ZNF292: variants seen among roughly 807,000 people sequenced by gnomAD.
The protein encoded by ZNF292 is zinc finger protein 292.
In ZNF292, 26 loss-of-function variants were observed where a neutral mutation model predicts 217.9. The observed-to-expected ratio is 0.12, with a 90% CI of 0.09 to 0.17. ZNF292 has a LOEUF of 0.17. Ranked by LOEUF, ZNF292 falls within the 10% of genes least tolerant of loss-of-function variation. The pLI is 1.00. For missense variants in ZNF292, 2,904 were observed against 3,175.2 expected, an observed-to-expected ratio of 0.91 and a Z score of 2.05; for synonymous variants, 1,257 against 1,124.1, an observed-to-expected ratio of 1.12 and a Z score of -2.37.
intron 1 of ZNF292, among the ~76,000 whole-genome samples, chr6:87,168,616 C>T (rs1003341652): frequency 2.6e-5 from 4 of 152,032 alleles, no homozygotes; most frequent in East Asian, 3.9e-4. Context: ...ATTACAGGTG[C>T]GCACCTCTGT....
chr6:87,196,673 G>T (rs531524248), intron 1 of ZNF292, among the ~76,000 whole-genome samples: 5 of 149,822 alleles, frequency 3.3e-5, no homozygotes, highest in Admixed American at 1.3e-4. Context: ...GGTTGTTGGG[G>T]ACTGTTATTT....
chr6:87,261,823 A>G lies in ZNF292; in HGVS notation c.*22A>G. On this transcript the variant is annotated 3_prime_UTR_variant, in exon 8 of 8. Coordinates refer to ENST00000369577, the MANE Select transcript of ZNF292 (RefSeq NM_015021.3). Reference sequence around the variant, plus strand: ...CTGATAATTAATGTAGTATAAATACATCATTTACCATTTTATTTTAAATAG... The same window carrying G: ...CTGATAATTAATGTAGTATAAATACGTCATTTACCATTTTATTTTAAATAG... The G allele has an allele frequency of 1.4e-6, 2 of 1,386,978 alleles. No individual in the cohort carries two copies. Among genetic ancestry groups the G allele is most frequent in the East Asian group, 2.4e-5 (1 of 41,730 alleles). 85.9% of individuals were successfully genotyped at this position (1,386,978 alleles called of 1,614,324 possible). A position where few individuals can be genotyped will look rare whatever the true frequency, so the allele number is the denominator to read the frequency against.
chr6:87,161,839 T>C (rs543498968), intron 1 of ZNF292, among the ~76,000 whole-genome samples: 17 of 152,246 alleles, frequency 1.1e-4, no homozygotes, highest in Non-Finnish European at 2.1e-4. Flanking sequence ...TTTCCCATTC[T>C]AGAGTTCCAG....
At chr6:87,172,040 C>T (rs1044652531) in intron 1 of ZNF292, among the ~76,000 whole-genome samples, 6 of 152,180 alleles carry the variant, frequency 3.9e-5, no homozygotes, top group African/African-American at 7.2e-5. Context: ...ACAAAGGTAA[C>T]TGTGAATGGG....
In ZNF292 at chr6:87,218,673, G is replaced by T. The variant is rs944941809; in HGVS notation, c.480G>T (p.Val160=). 7 of 1,595,548 alleles carry T rather than the reference G, an allele frequency of 4.4e-6. No individual in the cohort carries two copies. The highest frequency in any genetic ancestry group is 6.0e-6 in the Non-Finnish European group (7 of 1,170,996). Residue 160 remains valine (V), a synonymous_variant, in exon 4 of 8, where the codon GTG becomes GTT. Transcript: ENST00000369577. ...CTACTCTAGCTCAAGAGACTGGGGT[G>T]TGGAAAAACCCGGTACTGTGCACTA... The part of the protein sequence containing the change: ...FLATLAQETG[V]WKNPVLCTIL...
At chr6:87,193,413 A>G (rs1031928612) in intron 1 of ZNF292, among the ~76,000 whole-genome samples, 1 of 151,974 alleles carries the variant, frequency 6.6e-6, no homozygotes, top group Non-Finnish European at 1.5e-5. Flanking sequence ...GCAGTGGCAC[A>G]CCTGTAGTTC....
At chr6:87,197,715 G>A (rs1255927472) in intron 1 of ZNF292, among the ~76,000 whole-genome samples, 2 of 116,946 alleles carry the variant, frequency 1.7e-5, no homozygotes, top group Non-Finnish European at 3.3e-5. Context: ...AGTGAGACTC[G>A]CTGTTTCAAA....
In ZNF292 at chr6:87,256,379, T is replaced by C. The variant is rs1192241418; in HGVS notation, c.2750T>C (p.Leu917Ser). The C allele has an allele frequency of 5.0e-6, 8 of 1,609,378 alleles. No individual in the cohort carries two copies. The highest frequency in any genetic ancestry group is 6.8e-6 in the Non-Finnish European group (8 of 1,179,824). Residue 917 changes from leucine (L) to serine (S), a missense_variant, in exon 8 of 8, where the codon TTG (leucine) becomes TCG (serine). By Grantham distance (145) the Leu-to-Ser change is moderately radical. This residue lies in a region of ZNF292 where 687 missense variants were observed against 623.0 expected (regional missense o/e 1.10). Transcript: ENST00000369577. Reference sequence around the variant, plus strand: ...GAGCTCAGGCAAGCTAATGGACCATTGTCAAATGGTTTGGAAAACCCTGCT... The same window carrying C: ...GAGCTCAGGCAAGCTAATGGACCATCGTCAAATGGTTTGGAAAACCCTGCT... ...ASELRQANGP[L>S]SNGLENPATT...
intron 1 of ZNF292, among the ~76,000 whole-genome samples, chr6:87,203,597 A>G (rs771522657): frequency 7.3e-5 from 11 of 151,288 alleles, no homozygotes; most frequent in Non-Finnish European, 1.3e-4. Flanking sequence ...TGTATCTGCA[A>G]GGGGGGGTGG....
At chr6:87,252,992 G>A (rs1238309648) in intron 7 of ZNF292, among the ~76,000 whole-genome samples, 3 of 151,654 alleles carry the variant, frequency 2.0e-5, no homozygotes, top group South Asian at 2.1e-4. Flanking sequence ...CTGCAGCCTC[G>A]AATTCCCAAT....
Position 87,260,389 on chromosome 6 carries a change from G to C in ZNF292, c.6760G>C (p.Gly2254Arg), listed in dbSNP as rs1357537993. Residue 2254 changes from glycine to arginine, a missense_variant, in exon 8 of 8, where the codon GGT (glycine) becomes CGT (arginine). Coordinates refer to ENST00000369577, the MANE Select transcript of ZNF292 (RefSeq NM_015021.3). ...AAGGGCAAGTAAAACAGAAGAAGAT[G>C]GTGTATACAAATGTGATTGTGAAGG... is the stretch of plus-strand genomic sequence containing the variant. ...GLRASKTEED[G>R]VYKCDCEGCD... The C allele has an allele frequency of 9.3e-6, 15 of 1,613,408 alleles. No homozygotes were observed. Among genetic ancestry groups the C allele is most frequent in the Non-Finnish European group, 1.3e-5 (15 of 1,179,670 alleles).
In ZNF292 at chr6:87,256,202, ATC is replaced by A. The variant is rs776432204; in HGVS notation, c.2574_2575del (p.Asn858LysfsTer8). ...GATTCCATTCAGCCTTCTGAAGTGA[ATC>A]AGAACACAGCAGAGAATATTGAGAA... On this transcript the variant is annotated frameshift_variant, in exon 8 of 8. Transcript: ENST00000369577. LOFTEE classifies it high-confidence loss of function. 9.4e-5 allele frequency: 152 copies of A among 1,613,754 alleles called. No homozygotes were observed. The highest frequency in any genetic ancestry group is 1.3e-4 in the Non-Finnish European group (149 of 1,179,828).
chr6:87,252,009 C>T (rs762211230), intron 7 of ZNF292, among the ~76,000 whole-genome samples: 1 of 152,124 alleles, frequency 6.6e-6, no homozygotes, highest in Non-Finnish European at 1.5e-5. Context: ...AAGTAGAATT[C>T]TTTAATCAGC....
intron 7 of ZNF292, among the ~76,000 whole-genome samples, chr6:87,252,593 C>T (rs1401473685): frequency 6.6e-6 from 1 of 152,144 alleles, no homozygotes; most frequent in Non-Finnish European, 1.5e-5. Context: ...TACTTTTAAT[C>T]ATCTTTATGG....
At chr6:87,169,739 C>A in intron 1 of ZNF292, 2 of 437,208 alleles carry the variant, frequency 4.6e-6, no homozygotes, top group South Asian at 3.2e-5. Flanking sequence ...GTCCACCTCC[C>A]GGGCTCAAGT....
Position 87,261,523 on chromosome 6 carries a change from G to A in ZNF292, c.7894G>A (p.Asp2632Asn). ...CCATTCAAATTCAAGAAAAAATATT[G>A]ATAAGACTGCTGTGACTAGTGGAAA... ...GSHSNSRKNI[D>N]KTAVTSGNHV... The change falls in exon 8 of 8, where the codon GAT becomes AAT. Residue 2632 changes from aspartate to asparagine, a missense_variant. Physicochemically the swap from Asp to Asn is conservative, Grantham distance 23 (BLOSUM62 1). Transcript: ENST00000369577. 1 of 1,607,842 alleles carries A rather than the reference G, an allele frequency of 6.2e-7. No individual in the cohort carries two copies. The highest frequency in any genetic ancestry group is 8.5e-7 in the Non-Finnish European group (1 of 1,176,744).
chr6:87,205,715 A>G (rs974187067), intron 1 of ZNF292, among the ~76,000 whole-genome samples: 4 of 151,830 alleles, frequency 2.6e-5, no homozygotes, highest in African/African-American at 7.3e-5. Flanking sequence ...TTGCCAGATG[A>G]CTAGGTTTAG....
intron 1 of ZNF292, among the ~76,000 whole-genome samples, chr6:87,199,045 T>A (rs1351613160): frequency 6.6e-6 from 1 of 152,210 alleles, no homozygotes; most frequent in Non-Finnish European, 1.5e-5. Flanking sequence ...GAATTGCTGG[T>A]TTGAATAGTA....
At chr6:87,201,555 C>T (rs1027151098) in intron 1 of ZNF292, among the ~76,000 whole-genome samples, 1 of 152,152 alleles carries the variant, frequency 6.6e-6, no homozygotes, top group Non-Finnish European at 1.5e-5. Context: ...CAGGCATGCA[C>T]CACCACACCC....
Sources: allele counts gnomAD v4.1 joint callset (sites outside exome capture counted in the v4.1 genomes callset), GRCh38; gene constraint gnomAD v4.1.1; regional missense constraint gnomAD v4.1.1; transcripts MANE v1.5; gene names NCBI Gene and HGNC (gene_info 2026-07-23, HGNC 2026-07-21).